The following COX11 variants were observed in gnomAD, a reference collection of about 807,000 sequenced individuals.
The protein encoded by COX11 is cytochrome c oxidase copper chaperone COX11.
COX11 carries 18 observed loss-of-function variants against 29.4 expected under a neutral mutation model. The observed-to-expected ratio is 0.61, with a 90% CI of 0.42 to 0.91. The LOEUF (loss-of-function observed/expected upper bound fraction) is 0.91. COX11 is among the 40% of genes least tolerant of loss of function. COX11 has a pLI of 0.00. For synonymous variants in COX11, 131 were observed against 124.0 expected, an observed-to-expected ratio of 1.06 and a Z score of -0.38; for missense variants, 312 against 346.0, an observed-to-expected ratio of 0.90 and a Z score of 0.78.
downstream of COX11, among the ~76,000 whole-genome samples, chr17:54,956,214 G>A (rs78533526): frequency 0.011 from 1,632 of 152,192 alleles, 26 homozygotes; most frequent in African/African-American, 0.036. Context: ...GCATGATCAC[G>A]GCTTACTGCA....
At chr17:54,965,994 T>C (rs540354838) in intron 1 of COX11, among the ~76,000 whole-genome samples, 7 of 152,192 alleles carry the variant, frequency 4.6e-5, no homozygotes, top group Non-Finnish European at 8.8e-5. Flanking sequence ...ATACAGTGTT[T>C]TAGCATTCTC....
chr17:54,965,887 G>A (rs998226238), intron 1 of COX11, among the ~76,000 whole-genome samples: 32 of 152,054 alleles, frequency 2.1e-4, no homozygotes, highest in African/African-American at 7.2e-4. Context: ...GATACTTGAG[G>A]TTGCCAGAAT....
downstream of COX11, chr17:54,958,046 G>A (rs2076994177): frequency 1.3e-5 from 2 of 152,184 alleles, no homozygotes; most frequent in Non-Finnish European, 2.9e-5. Context: ...TTAGTTAAGT[G>A]AAAAGTTTGG....
chr17:54,957,501 G>A (rs145567855), downstream of COX11: 187 of 152,230 alleles, frequency 1.2e-3, no homozygotes, highest in African/African-American at 4.2e-3. Flanking sequence ...ATGTTGATAC[G>A]GCAGTGTCAC....
intron 2 of COX11, chr17:54,964,398 T>C: frequency 3.2e-6 from 1 of 312,192 alleles, no homozygotes; most frequent in Non-Finnish European, 5.9e-6. Context: ...GCCTGACGGT[T>C]ACTGCTACTC....
rs760832727 is a variant in COX11, at chr17:54,963,415, G to T, written c.539C>A (p.Thr180Asn). The T allele has an allele frequency of 2.4e-5, 39 of 1,611,016 alleles. 1 individual carries two copies. The South Asian group carries it at 4.0e-4, about 16-fold the overall frequency. Reference protein sequence around the residue: ...QTEIYVVPGETALAFYRAKNP... With the variant: ...QTEIYVVPGENALAFYRAKNP... ...CTTAGCTCTGTAAAACGCCAGTGCA[G>T]TCTCTCCTGGCACCACCTGTTTTAA... The change falls in exon 3 of 4, where the codon ACT (threonine) becomes AAT (asparagine). Residue 180 changes from threonine (T) to asparagine (N), a missense_variant. Around this residue, in one of 2 missense-constraint regions of COX11, gnomAD observed 182 missense variants for 240.0 expected, o/e 0.76. Transcript: ENST00000299335.
In COX11 at chr17:54,962,462, T is replaced by C; in HGVS notation, c.*271A>G. On this transcript the variant is annotated 3_prime_UTR_variant, in exon 4 of 4. Transcript: ENST00000299335. Reference sequence around the variant, plus strand: ...GAATTAAGCTGAACCCATGCCTGCATATTTAAAAAACAAAGCGGCTTATTT... The same window carrying C: ...GAATTAAGCTGAACCCATGCCTGCACATTTAAAAAACAAAGCGGCTTATTT... 1 of 1,063,356 alleles carries C rather than the reference T, an allele frequency of 9.4e-7. No homozygotes were observed. Among genetic ancestry groups the C allele is most frequent in the Non-Finnish European group, 1.1e-6 (1 of 882,092 alleles). 65.9% of individuals were successfully genotyped at this position (1,063,356 alleles called of 1,614,324 possible).
upstream of COX11, chr17:54,955,155 C>A (rs530003409): frequency 3.3e-5 from 5 of 152,210 alleles, no homozygotes. Flanking sequence ...TTGAATACTT[C>A]TGGTCCTCTT....
At chr17:54,965,725 G>A (rs1015255887) in intron 1 of COX11, among the ~76,000 whole-genome samples, 2 of 152,004 alleles carry the variant, frequency 1.3e-5, no homozygotes, top group African/African-American at 4.8e-5. Flanking sequence ...GGTCTACTCG[G>A]GAGGCTGAGG....
At chr17:54,965,758 G>T (rs986663467) in intron 1 of COX11, among the ~76,000 whole-genome samples, 1 of 150,760 alleles carries the variant, frequency 6.6e-6, no homozygotes, top group South Asian at 2.1e-4. Flanking sequence ...TTGAACCCGG[G>T]AGGCGGAGGT....
chr17:54,954,196 T>A (rs1190615231), exon 1 of COX11: 6 of 152,230 alleles, frequency 3.9e-5, no homozygotes, highest in Admixed American at 2.0e-4. Context: ...CAGATTTATC[T>A]TCTGCTGTGA....
At chr17:54,959,823 T>C (rs1025035200), downstream of COX11, among the ~76,000 whole-genome samples, 8 of 151,966 alleles carry the variant, frequency 5.3e-5, no homozygotes, top group African/African-American at 1.9e-4. Context: ...TGCCATGTTG[T>C]TCATACTGGT....
chr17:54,967,072 A>G (rs1413069054), intron 1 of COX11, among the ~76,000 whole-genome samples: 1 of 150,282 alleles, frequency 6.7e-6, no homozygotes, highest in East Asian at 2.0e-4. Context: ...ACACACACAC[A>G]CGGAAAGAGT....
rs202016653 is a variant in COX11 at position 54,963,405 on chromosome 17, C to T, written c.549G>A (p.Ala183=). 19 of 1,611,700 alleles carry T rather than the reference C, an allele frequency of 1.2e-5. No homozygotes were observed. The highest frequency in any genetic ancestry group is 4.5e-5 in the East Asian group (2 of 44,776). The change falls in exon 3 of 4, where the codon GCG becomes GCA. Residue 183 remains alanine, a synonymous_variant. Coordinates refer to ENST00000299335, the MANE Select transcript of COX11 (RefSeq NM_004375.5). The part of the protein sequence containing the change: ...IYVVPGETAL[A]FYRAKNPTDK... The stretch of plus-strand genomic sequence containing the variant: ...CAGTAGGATTCTTAGCTCTGTAAAA[C>T]GCCAGTGCAGTCTCTCCTGGCACCA...
downstream of COX11, chr17:54,956,949 C>T (rs1189644477): frequency 6.6e-6 from 1 of 152,192 alleles, no homozygotes; most frequent in Admixed American, 6.5e-5. Context: ...GGTAATGAAG[C>T]TATAGCATCT....
intron 1 of COX11, among the ~76,000 whole-genome samples, chr17:54,967,438 C>T (rs1434155876): frequency 6.6e-6 from 1 of 152,176 alleles, no homozygotes; most frequent in Non-Finnish European, 1.5e-5. Flanking sequence ...TAATGGCCAG[C>T]CAAAGCTGCA....
At chr17:54,954,342 C>A (rs971111587) in exon 1 of COX11, 6 of 152,330 alleles carry the variant, frequency 3.9e-5, no homozygotes, top group East Asian at 1.9e-4. Context: ...TACAAGTCAA[C>A]AGTTTTAAAA....
At chr17:54,962,962 C>T in intron 3 of COX11, 47 bp from the exon 4 acceptor site, 1 of 1,508,354 alleles carries the variant, frequency 6.6e-7, no homozygotes, top group Non-Finnish European at 9.1e-7. Context: ...TCTCGTATTA[C>T]ATAACAGAAA....
chr17:54,963,530 C>T, intron 2 of COX11, 99 bp from the exon 3 acceptor site: 1 of 1,144,980 alleles, frequency 8.7e-7, no homozygotes, highest in Admixed American at 2.8e-5. Flanking sequence ...TTCATCAGAC[C>T]ATAATACCTA....
Sources: gnomAD v4.1 joint callset for allele counts (sites outside exome capture counted in the v4.1 genomes callset) on GRCh38, gnomAD v4.1.1 for gene constraint, gnomAD v4.1.1 regional missense constraint, MANE v1.5 for transcripts, NCBI Gene and HGNC (gene_info 2026-07-23, HGNC 2026-07-21) for gene names.